The following SMC2 variants were observed in gnomAD, a reference collection of about 807,000 sequenced individuals.
SMC2 encodes structural maintenance of chromosomes 2.
SMC2 carries 41 observed loss-of-function variants against 142.6 expected under a neutral mutation model. That is an observed-to-expected ratio of 0.29 (90% CI 0.22 to 0.37). The LOEUF (loss-of-function observed/expected upper bound fraction) is 0.37, where lower values mean the gene tolerates loss of function less well. Among genes scored for constraint, SMC2 ranks in the 10% least tolerant of loss-of-function variants. The probability of loss-of-function intolerance (pLI) is 1.00; values close to 1 mark genes in which losing one functional copy is unlikely to be tolerated. For synonymous variants in SMC2, 463 were observed against 457.5 expected, an observed-to-expected ratio of 1.01 and a Z score of -0.15; for missense variants, 1,265 against 1,373.7, an observed-to-expected ratio of 0.92 and a Z score of 1.25.
chr9:104,105,909 C>G (rs10448299), intron 9 of SMC2, among the ~76,000 whole-genome samples: 45,593 of 152,078 alleles, frequency 0.3, 7,071 homozygotes, highest in Middle Eastern at 0.36. Flanking sequence ...CTGCCACATC[C>G]TTGTGGAAAA....
intron 23 of SMC2, among the ~76,000 whole-genome samples, chr9:104,134,856 A>G (rs1023214375): frequency 7.2e-5 from 11 of 152,144 alleles, no homozygotes; most frequent in Non-Finnish European, 1.2e-4. Context: ...GCTGAGCCCT[A>G]TGTTCACCCT....
chr9:104,097,045 A>C (rs1830509684), intron 3 of SMC2, among the ~76,000 whole-genome samples: 1 of 147,618 alleles, frequency 6.8e-6, no homozygotes, highest in African/African-American at 2.5e-5. Context: ...TTCATATTAG[A>C]TTTACTTGAA....
At chr9:104,117,686 C>T (rs1358610235) in intron 14 of SMC2, among the ~76,000 whole-genome samples, 1 of 152,172 alleles carries the variant, frequency 6.6e-6, no homozygotes, top group Non-Finnish European at 1.5e-5. Flanking sequence ...AGTCCAACAA[C>T]TGAAATTTTC....
chr9:104,131,827 A>G (rs1257725607), intron 21 of SMC2, among the ~76,000 whole-genome samples, 182 bp from the exon 22 acceptor site: 1 of 152,070 alleles, frequency 6.6e-6, no homozygotes, highest in Non-Finnish European at 1.5e-5. Context: ...ATATACACAC[A>G]CATCATACAG....
intron 23 of SMC2, among the ~76,000 whole-genome samples, chr9:104,135,645 C>T (rs1835445786): frequency 6.6e-6 from 1 of 152,106 alleles, no homozygotes. Context: ...ATACATAAAA[C>T]TGCTGAAAAC....
chr9:104,091,324 C>T (rs1829978984), upstream of SMC2, among the ~76,000 whole-genome samples: 2 of 152,120 alleles, frequency 1.3e-5, no homozygotes, highest in African/African-American at 4.8e-5. Flanking sequence ...AACTATAACA[C>T]AATGTTGTGT....
At chr9:104,098,358 A>G (rs2131293992) in intron 3 of SMC2, 88 bp from the exon 4 acceptor site, 2 of 1,133,936 alleles carry the variant, frequency 1.8e-6, no homozygotes, top group South Asian at 1.8e-5. Context: ...GTCAGACAGA[A>G]CAAATAAACG....
At chr9:104,123,354 T>G in intron 17 of SMC2, 122 bp downstream of exon 17, 1 of 936,946 alleles carries the variant, frequency 1.1e-6, no homozygotes, top group Non-Finnish European at 1.5e-6. Context: ...TTAGGGAAAA[T>G]CCAAGTATGG....
intron 10 of SMC2, among the ~76,000 whole-genome samples, chr9:104,113,044 C>T (rs1051871365): frequency 6.6e-6 from 1 of 152,028 alleles, no homozygotes; most frequent in African/African-American, 2.4e-5. Flanking sequence ...TATAATCCTT[C>T]AATTTGAATA....
upstream of SMC2, among the ~76,000 whole-genome samples, chr9:104,093,344 G>C (rs1273769204): frequency 6.6e-6 from 1 of 151,978 alleles, no homozygotes; most frequent in Non-Finnish European, 1.5e-5. Context: ...AATAATACTA[G>C]ATTCTATGCA....
At chr9:104,090,525 CAT>C, upstream of SMC2, among the ~76,000 whole-genome samples, 1 of 151,820 alleles carries the variant, frequency 6.6e-6, no homozygotes, top group East Asian at 1.9e-4. Context: ...AAAAAAAAAA[CAT>C]AAGGTACCTA....
chr9:104,135,851 A>C, intron 23 of SMC2: 1 of 518,800 alleles, frequency 1.9e-6, no homozygotes. Context: ...ATTGAAGGCA[A>C]TATGAATACT....
chr9:104,129,041 T>C (rs1164578569), intron 20 of SMC2, among the ~76,000 whole-genome samples: 1 of 152,176 alleles, frequency 6.6e-6, no homozygotes, highest in Non-Finnish European at 1.5e-5. Flanking sequence ...TTACATTTCA[T>C]TCTAATGGAG....
chr9:104,130,375 T>C (rs542208288), intron 21 of SMC2, among the ~76,000 whole-genome samples: 1 of 152,190 alleles, frequency 6.6e-6, no homozygotes, highest in African/African-American at 2.4e-5. Context: ...GGAGGACCTA[T>C]CACTAGAAAA....
At position 104,107,823 on chromosome 9, in the gene SMC2, G is replaced by A. The variant is rs1277489081; in HGVS notation, c.1021-3758G>A. 4.6e-5 allele frequency among the ~76,000 whole-genome samples: 7 copies of A among 152,162 alleles called. No homozygotes were observed. In the East Asian group the frequency reaches 1.3e-3, roughly 29 times the overall value. ...CATTGTGACATTTTTATCTGTAGTG[G>A]GTTTTGAATTAAGAAAGTAGCGTCT... On this transcript the variant is annotated intron_variant, in intron 9 of 24. Transcript: ENST00000374793.
rs758670422 is a variant in SMC2 at position 104,134,589 on chromosome 9, TTGCTA to T, written c.3269+16_3269+20del. 1 of 1,515,660 alleles carries T rather than the reference TTGCTA, an allele frequency of 6.6e-7. No homozygotes were observed. The highest frequency in any genetic ancestry group is 2.2e-5 in the East Asian group (1 of 44,472). The allele number at this position is 1,515,660 out of a possible 1,614,324, so 93.9% of individuals were successfully genotyped here. A position where few individuals can be genotyped will look rare whatever the true frequency, so the allele number is the denominator to read the frequency against. ...TGGTGGTCAGAGGTGAGGAATCACT[TTGCTA>T]TATTATAATTTTCATTCCTCTTTAT... On this transcript the variant is annotated intron_variant, in intron 23 of 24. Coordinates refer to ENST00000374793, the MANE Select transcript of SMC2 (RefSeq NM_006444.3).
rs111992646 is a variant in SMC2 at position 104,112,209 on chromosome 9, A to G, written c.1254+395A>G. On this transcript the variant is annotated intron_variant, in intron 10 of 24. Transcript: ENST00000374793. ...ACAGGAAAACAGGATTGTCCTCCCC[A>G]TTGCTTTGCCTGCCATACCTAGTTC... Among the ~76,000 whole-genome samples, 584 of 152,232 alleles carry G rather than the reference A, an allele frequency of 3.8e-3. 4 individuals are homozygous for G. Among genetic ancestry groups the G allele is most frequent in the Non-Finnish European group, 6.1e-3 (417 of 67,992 alleles).
In SMC2 at chr9:104,098,660, A is replaced by T. The variant is rs1023226193; in HGVS notation, c.441+92A>T. The T allele has an allele frequency of 7.8e-6, 10 of 1,289,892 alleles. No individual in the cohort carries two copies. In the African/African-American group the frequency reaches 1.5e-4, roughly 20 times the overall value. The allele number at this position is 1,289,892 out of a possible 1,614,324, so 79.9% of individuals were successfully genotyped here. On this transcript the variant is annotated intron_variant, in intron 4 of 24. Coordinates refer to ENST00000374793, the MANE Select transcript of SMC2 (RefSeq NM_006444.3). The stretch of plus-strand genomic sequence containing the variant: ...AAAATAGAAGTACTTTATGTTTTGG[A>T]TTTTATACTTTTTATTTACTATTGT...
At chr9:104,138,397 T>A (rs1835779331) in intron 24 of SMC2, among the ~76,000 whole-genome samples, 1 of 152,148 alleles carries the variant, frequency 6.6e-6, no homozygotes, top group Non-Finnish European at 1.5e-5. Context: ...ATGAGGGAGA[T>A]TCCAATTTAG....
Sources: gnomAD v4.1 joint callset for allele counts (sites outside exome capture counted in the v4.1 genomes callset) on GRCh38, gnomAD v4.1.1 for gene constraint, MANE v1.5 for transcripts, NCBI Gene and HGNC (gene_info 2026-07-23, HGNC 2026-07-21) for gene names.